CFAP70: variants seen among roughly 807,000 people sequenced by gnomAD.
CFAP70 encodes the protein cilia- and flagella-associated protein 70.
CFAP70 carries 81 observed loss-of-function variants against 137.6 expected under a neutral mutation model. The ratio of observed to expected loss-of-function variants is 0.59; its 90% CI spans 0.49 to 0.71. The LOEUF is 0.71. CFAP70 is among the 30% of genes least tolerant of loss of function. CFAP70 has a pLI of 0.00. For missense variants in CFAP70, 976 were observed against 1,226.7 expected (o/e 0.80, Z 3.05); for synonymous variants, 382 against 423.6 (o/e 0.90, Z 1.20).
At chr10:73,257,308 A>C (rs1201635771) in intron 25 of CFAP70, among the ~76,000 whole-genome samples, 12 of 152,178 alleles carry the variant, frequency 7.9e-5, no homozygotes, top group Non-Finnish European at 1.8e-4. Flanking sequence ...AATTAGAAAA[A>C]GTAGGTATCA....
chr10:73,345,146 A>T, intron 4 of CFAP70: 4 of 1,614,208 alleles, frequency 2.5e-6, no homozygotes, highest in Non-Finnish European at 3.4e-6. Flanking sequence ...GCACAGAGTA[A>T]GCAGCCTCCA....
intron 11 of CFAP70, among the ~76,000 whole-genome samples, chr10:73,311,223 A>G (rs561150510): frequency 9.2e-4 from 140 of 152,258 alleles, no homozygotes; most frequent in Non-Finnish European, 1.7e-3. Flanking sequence ...ATACACTGCA[A>G]TTAACTGAGA....
chr10:73,326,912 G>A (rs1391695395), intron 8 of CFAP70, among the ~76,000 whole-genome samples: 3 of 151,424 alleles, frequency 2.0e-5, no homozygotes, highest in Non-Finnish European at 4.4e-5. Context: ...AGAGGTACAA[G>A]GAGGAACTGG....
chr10:73,321,395 G>A (rs1451959640), intron 9 of CFAP70, among the ~76,000 whole-genome samples: 2 of 152,092 alleles, frequency 1.3e-5, no homozygotes, highest in African/African-American at 4.8e-5. Context: ...TCCAGCTTGG[G>A]CAACACAGCG....
Position 73,297,211 on chromosome 10 carries a change from C to T in CFAP70, c.1513-38G>A, listed in dbSNP as rs1004339815. The T allele has an allele frequency of 1.9e-6, 3 of 1,593,520 alleles. No homozygotes were observed. The African/African-American group carries it at 4.0e-5, about 21-fold the overall frequency. ...CAGATCACCCATCTGATAATACAGTCCAGCACCATGCTGAGAGCACGGGTC... is the reference window on the plus strand; with the variant it reads ...CAGATCACCCATCTGATAATACAGTTCAGCACCATGCTGAGAGCACGGGTC... On this transcript the variant is annotated intron_variant, in intron 14 of 26. Transcript: ENST00000310715.
chr10:73,354,058 C>T (rs1253703640), intron 2 of CFAP70, among the ~76,000 whole-genome samples: 1 of 152,174 alleles, frequency 6.6e-6, no homozygotes, highest in Non-Finnish European at 1.5e-5. Flanking sequence ...CTCGCTCTGT[C>T]ACCCAGGCTG....
At chr10:73,297,082 T>G (rs754862818) in exon 15 of CFAP70, 9 of 1,613,778 alleles carry the variant, frequency 5.6e-6, no homozygotes. Flanking sequence ...TAAGAACACA[T>G]AGAGCTCACT....
At chr10:73,259,034 T>G (rs1447666640) in intron 25 of CFAP70, among the ~76,000 whole-genome samples, 2 of 152,302 alleles carry the variant, frequency 1.3e-5, no homozygotes, top group African/African-American at 4.8e-5. Context: ...CCTTGAAGCA[T>G]GTGATCTCTG....
intron 14 of CFAP70, among the ~76,000 whole-genome samples, chr10:73,298,041 G>C (rs111699346): frequency 6.6e-6 from 1 of 152,058 alleles, no homozygotes; most frequent in Non-Finnish European, 1.5e-5. Flanking sequence ...TATCTGTTTA[G>C]TACAGTACAG....
chr10:73,319,244 G>C (rs774529265), intron 9 of CFAP70, among the ~76,000 whole-genome samples: 1 of 151,986 alleles, frequency 6.6e-6, no homozygotes, highest in African/African-American at 2.4e-5. Context: ...AGGATCAGCC[G>C]GCACTCAGAT....
At chr10:73,327,098 G>A (rs1260138622) in intron 8 of CFAP70, among the ~76,000 whole-genome samples, 2 of 149,528 alleles carry the variant, frequency 1.3e-5, no homozygotes, top group African/African-American at 5.0e-5. Context: ...ATAAAATACT[G>A]GCAAACCGAA....
intron 12 of CFAP70, among the ~76,000 whole-genome samples, chr10:73,308,920 C>G (rs1174810776): frequency 6.6e-6 from 1 of 151,012 alleles, no homozygotes; most frequent in Non-Finnish European, 1.5e-5. Context: ...TACACATACA[C>G]TAAAGAAGAA....
intron 6 of CFAP70, among the ~76,000 whole-genome samples, chr10:73,337,915 A>G (rs556947691): frequency 6.6e-6 from 1 of 152,292 alleles, no homozygotes; most frequent in African/African-American, 2.4e-5. Flanking sequence ...TCAAAAAAAC[A>G]AAAAAAGAAA....
chr10:73,310,985 T>C (rs1184001558), intron 11 of CFAP70, among the ~76,000 whole-genome samples: 10 of 152,334 alleles, frequency 6.6e-5, no homozygotes, highest in East Asian at 1.9e-4. Flanking sequence ...ATCTCTTTTT[T>C]TCATACCCTT....
At chr10:73,329,836 A>C (rs1462314234) in intron 8 of CFAP70, among the ~76,000 whole-genome samples, 2 of 152,184 alleles carry the variant, frequency 1.3e-5, no homozygotes, top group Non-Finnish European at 2.9e-5. Context: ...TTGGCTGAGA[A>C]AAATTCTCTG....
At chr10:73,358,537 T>G (rs1002771929) in intron 1 of CFAP70, among the ~76,000 whole-genome samples, 13 of 152,144 alleles carry the variant, frequency 8.5e-5, no homozygotes, top group Non-Finnish European at 1.9e-4. Context: ...CGGGCTGGGG[T>G]TGGCGGCAGA....
intron 20 of CFAP70, among the ~76,000 whole-genome samples, 169 bp from the exon 22 acceptor site, chr10:73,277,530 T>C (rs770966448): frequency 1.3e-5 from 2 of 151,988 alleles, no homozygotes; most frequent in African/African-American, 2.4e-5. Context: ...CTGGCCAACA[T>C]AGTGAAACCC....
exon 24 of CFAP70, chr10:73,272,992 A>G (rs1320756889): frequency 1.9e-6 from 3 of 1,552,058 alleles, no homozygotes; most frequent in East Asian, 2.4e-5. Flanking sequence ...ACAGGCTTGC[A>G]TATAGGTTTT....
intron 9 of CFAP70, among the ~76,000 whole-genome samples, chr10:73,321,661 G>T (rs1018178479): frequency 3.3e-5 from 5 of 151,490 alleles, no homozygotes; most frequent in African/African-American, 1.2e-4. Context: ...TCGAATATAT[G>T]ATTTTAACAT....
Sources: gnomAD v4.1 joint callset for allele counts (sites outside exome capture counted in the v4.1 genomes callset) on GRCh38, gnomAD v4.1.1 for gene constraint, MANE v1.5 for transcripts, NCBI Gene and HGNC (gene_info 2026-07-23, HGNC 2026-07-21) for gene names.